Variants in CHN1 observed in about 807,000 individuals in gnomAD.
CHN1 encodes the protein N-chimaerin.
In CHN1, 37 loss-of-function variants were observed where a neutral mutation model predicts 59.5. The ratio of observed to expected loss-of-function variants is 0.62; its 90% CI spans 0.48 to 0.82. CHN1 has a LOEUF of 0.82. Ranked by LOEUF, CHN1 falls within the 40% of genes least tolerant of loss-of-function variation. The probability of loss-of-function intolerance (pLI) is 0.00; values close to 1 mark genes in which losing one functional copy is unlikely to be tolerated. For synonymous variants in CHN1, 206 were observed against 200.4 expected (o/e 1.03, Z -0.24); for missense variants, 469 against 571.0 (o/e 0.82, Z 1.82).
chr2:174,934,048 T>A (rs996691291), intron 3 of CHN1, among the ~76,000 whole-genome samples: 4 of 152,186 alleles, frequency 2.6e-5, no homozygotes, highest in African/African-American at 7.2e-5. Flanking sequence ...ACCAGTTTCG[T>A]GGGAGACAAT....
intron 8 of CHN1, among the ~76,000 whole-genome samples, chr2:174,823,651 A>G (rs906936738): frequency 3.0e-4 from 45 of 151,330 alleles, no homozygotes; most frequent in African/African-American, 7.6e-4. Flanking sequence ...AGACAGAGTG[A>G]GACTCTGTCT....
At chr2:174,931,798 C>G (rs1220469206) in intron 3 of CHN1, among the ~76,000 whole-genome samples, 4 of 152,048 alleles carry the variant, frequency 2.6e-5, no homozygotes, top group Admixed American at 2.6e-4. Context: ...AGCATATGAA[C>G]GAATGAGCCA....
At chr2:174,818,773 C>T (rs1294910448) in intron 8 of CHN1, among the ~76,000 whole-genome samples, 1 of 152,074 alleles carries the variant, frequency 6.6e-6, no homozygotes, top group Non-Finnish European at 1.5e-5. Context: ...ATTTCTATTA[C>T]TTAGACTACC....
chr2:174,992,876 A>G (rs1691587800), intron 1 of CHN1, among the ~76,000 whole-genome samples: 1 of 152,016 alleles, frequency 6.6e-6, no homozygotes, highest in Non-Finnish European at 1.5e-5. Context: ...CCTGGGCTCT[A>G]ACACCTGGGC....
chr2:174,932,157 T>C (rs1466300595), intron 3 of CHN1, among the ~76,000 whole-genome samples: 1 of 152,194 alleles, frequency 6.6e-6, no homozygotes, highest in Non-Finnish European at 1.5e-5. Context: ...GATTACTGTG[T>C]GTTAAGGTAG....
intron 1 of CHN1, among the ~76,000 whole-genome samples, chr2:174,983,083 G>A (rs939292220): frequency 1.3e-5 from 2 of 152,144 alleles, no homozygotes; most frequent in South Asian, 2.1e-4. Context: ...GGCAGAAGAG[G>A]GCAGTGACTA....
At chr2:174,945,802 A>G (rs990914441) in intron 2 of CHN1, among the ~76,000 whole-genome samples, 22 of 152,128 alleles carry the variant, frequency 1.4e-4, no homozygotes, top group Non-Finnish European at 1.0e-4. Flanking sequence ...CAGATTTCAA[A>G]TGGATATGAT....
rs148994097 is a variant in CHN1 at position 174,846,088 on chromosome 2, T to G, written c.627+792A>C. ...TGGGAAGTTACTATAGAAATGCCAG[T>G]GCATCTACCTATTAAATGTAACTGG... On this transcript the variant is annotated intron_variant, in intron 7 of 12. Coordinates refer to ENST00000409900, the MANE Select transcript of CHN1 (RefSeq NM_001822.7). 2.3e-3 allele frequency among the ~76,000 whole-genome samples: 353 copies of G among 152,290 alleles called. 3 individuals carry two copies. The highest frequency in any genetic ancestry group is 7.7e-3 in the African/African-American group (321 of 41,572).
rs770182505 is a variant in CHN1 at position 175,005,030 on chromosome 2, G to C, written c.-118C>G. 1 of 1,425,304 alleles carries C rather than the reference G, an allele frequency of 7.0e-7. No individual in the cohort carries two copies. Among genetic ancestry groups the C allele is most frequent in the East Asian group, 2.9e-5 (1 of 34,324 alleles). The allele number at this position is 1,425,304 out of a possible 1,614,324, so 88.3% of individuals were successfully genotyped here. A position where few individuals can be genotyped will look rare whatever the true frequency, so the allele number is the denominator to read the frequency against. ...GAGAGTGGGGTGCCCGATGGGGCGT[G>C]CTGGGGGCGCCGGCGCCCGGGGAGG... On this transcript the variant is annotated 5_prime_UTR_variant, in exon 1 of 13. Coordinates refer to ENST00000409900, the MANE Select transcript of CHN1 (RefSeq NM_001822.7).
chr2:174,815,580 G>A (rs935873), intron 8 of CHN1, among the ~76,000 whole-genome samples: 2 of 146,746 alleles, frequency 1.4e-5, no homozygotes, highest in Non-Finnish European at 1.5e-5. Flanking sequence ...ATTTCTTTTC[G>A]GATATTTCCT....
At chr2:174,849,142 T>G (rs1026614905) in intron 6 of CHN1, among the ~76,000 whole-genome samples, 2 of 152,184 alleles carry the variant, frequency 1.3e-5, no homozygotes, top group African/African-American at 4.8e-5. Context: ...TAGCATCTTT[T>G]TCTTGAGTAT....
intron 1 of CHN1, among the ~76,000 whole-genome samples, chr2:174,978,193 C>T (rs79826439): frequency 0.042 from 6,441 of 152,214 alleles, 483 homozygotes; most frequent in African/African-American, 0.15. Flanking sequence ...TCATGCATTG[C>T]TTTTGGTTAC....
At chr2:174,942,640 G>T (rs1208479742) in intron 3 of CHN1, among the ~76,000 whole-genome samples, 3 of 152,082 alleles carry the variant, frequency 2.0e-5, no homozygotes, top group African/African-American at 7.2e-5. Flanking sequence ...AAGATTTGAG[G>T]TAATGGATAT....
At chr2:174,884,283 A>G (rs1304754913) in intron 5 of CHN1, among the ~76,000 whole-genome samples, 1 of 152,042 alleles carries the variant, frequency 6.6e-6, no homozygotes, top group Non-Finnish European at 1.5e-5. Flanking sequence ...AAAGTCTAAC[A>G]TTTATAGAAA....
chr2:174,885,023 CA>C (rs1359087569), intron 5 of CHN1, among the ~76,000 whole-genome samples: 1 of 151,974 alleles, frequency 6.6e-6, no homozygotes. Context: ...CGCGGTGGCT[CA>C]TGCCTGTAAT....
At position 174,984,788 on chromosome 2, in the gene CHN1, T is replaced by A. The variant is rs566087411; in HGVS notation, c.19+20106A>T. Among the ~76,000 whole-genome samples, 4 of 152,336 alleles carry A rather than the reference T, an allele frequency of 2.6e-5. No individual in the cohort carries two copies. The East Asian group carries it at 7.7e-4, about 29-fold the overall frequency. ...GGGCAAGCTAACAAAGGAATAGTTTTCAACGTGCAGCCTCCTCACAGAACA... is the reference window on the plus strand; with the variant it reads ...GGGCAAGCTAACAAAGGAATAGTTTACAACGTGCAGCCTCCTCACAGAACA... On this transcript the variant is annotated intron_variant, in intron 1 of 12. Transcript: ENST00000409900.
intron 6 of CHN1, among the ~76,000 whole-genome samples, chr2:174,866,443 C>T (rs1037559652): frequency 3.3e-5 from 5 of 151,862 alleles, no homozygotes; most frequent in African/African-American, 4.8e-5. Context: ...AAAAATAAAA[C>T]ACAGAAAAAA....
At chr2:174,826,763 T>C (rs1685694454) in intron 7 of CHN1, among the ~76,000 whole-genome samples, 2 of 152,340 alleles carry the variant, frequency 1.3e-5, no homozygotes, top group Middle Eastern at 3.4e-3. Context: ...TATTTCTTTA[T>C]ATTAGATATG....
chr2:174,878,867 G>GAAT lies in CHN1; in HGVS notation c.261-742_261-740dup, dbSNP rs1490817218. Among the ~76,000 whole-genome samples, 3 of 152,342 alleles carry GAAT rather than the reference G, an allele frequency of 2.0e-5. No individual in the cohort carries two copies. In the East Asian group the frequency reaches 5.8e-4, roughly 29 times the overall value. On this transcript the variant is annotated intron_variant, in intron 5 of 12. Coordinates refer to ENST00000409900, the MANE Select transcript of CHN1 (RefSeq NM_001822.7). ...CTGATGATGTGCTCTAACAACTGAA[G>GAAT]AATAATGGTTTACTTTTATGATAAT...
Sources: gnomAD v4.1 joint callset for allele counts (sites outside exome capture counted in the v4.1 genomes callset) on GRCh38, gnomAD v4.1.1 for gene constraint, MANE v1.5 for transcripts, NCBI Gene and HGNC (gene_info 2026-07-23, HGNC 2026-07-21) for gene names.